ATRX: variants seen among roughly 807,000 people sequenced by gnomAD.
ATRX encodes chromatin remodeler ATRX.
Under a neutral mutation model 172.6 loss-of-function variants are expected in ATRX, and 12 were observed. The ratio of observed to expected loss-of-function variants is 0.07; its 90% CI spans 0.04 to 0.11. ATRX has a LOEUF of 0.11. ATRX is among the 10% of genes least tolerant of loss of function. ATRX has a pLI of 1.00. For missense variants in ATRX, 1,368 were observed against 1,767.4 expected, an observed-to-expected ratio of 0.77 and a Z score of 4.05; for synonymous variants, 674 against 594.7, an observed-to-expected ratio of 1.13 and a Z score of -1.94.
intron 1 of ATRX, among the ~76,000 whole-genome samples, chrX:77,740,276 A>G (rs1434599917): frequency 3.6e-5 from 4 of 109,893 alleles, no homozygotes; most frequent in Non-Finnish European, 7.6e-5. Flanking sequence ...AGAATATCAC[A>G]GCTTTCCTAG....
intron 12 of ATRX, among the ~76,000 whole-genome samples, chrX:77,658,311 T>C (rs1250312055): frequency 8.9e-6 from 1 of 112,484 alleles, no homozygotes; most frequent in Non-Finnish European, 1.9e-5. Flanking sequence ...TAATCTCAAT[T>C]CGATCATGAG....
At position 77,558,859 on chromosome X, in the gene ATRX, A is replaced by G. The variant is rs909574642; in HGVS notation, c.6327-13T>C. On this transcript the variant is annotated splice_polypyrimidine_tract_variant and intron_variant, in intron 28 of 34. Coordinates refer to ENST00000373344, the MANE Select transcript of ATRX (RefSeq NM_000489.6). ...AAATAATCGTCCTCTGAAAATGAAA[A>G]TATAGAATAAATGCTTCAGTAATTA... 3 of 1,145,793 alleles carry G rather than the reference A, an allele frequency of 2.6e-6. No individual in the cohort carries two copies. The African/African-American group carries it at 5.4e-5, about 20-fold the overall frequency. 94.4% of individuals were successfully genotyped at this position (1,145,793 alleles called of 1,213,427 possible). A position where few individuals can be genotyped will look rare whatever the true frequency, so the allele number is the denominator to read the frequency against.
chrX:77,642,166 GC>G (rs2068689088), intron 15 of ATRX, among the ~76,000 whole-genome samples: 1 of 111,788 alleles, frequency 8.9e-6, no homozygotes, highest in African/African-American at 3.3e-5. Flanking sequence ...CTGCACTCTA[GC>G]ATGGGCAACA....
Position 77,526,614 on chromosome X carries a change from C to T in ATRX, c.6700-3213G>A, listed in dbSNP as rs1338117006. Among the ~76,000 whole-genome samples, 4 of 112,172 alleles carry T rather than the reference C, an allele frequency of 3.6e-5. 1 individual carries two copies. Among genetic ancestry groups the T allele is most frequent in the Admixed American group, 2.8e-4 (3 of 10,625 alleles). On this transcript the variant is annotated intron_variant, in intron 30 of 34. Transcript: ENST00000373344. ...CACTGAACCTAAAAGTACTTTTGTA[C>T]TTTTTGAACTTTTTAAAACAAGCAT...
intron 1 of ATRX, among the ~76,000 whole-genome samples, chrX:77,776,275 T>C (rs2076346977): frequency 8.9e-6 from 1 of 112,176 alleles, no homozygotes; most frequent in Admixed American, 9.5e-5. Flanking sequence ...ATGCACTACT[T>C]ATTACAGTTC....
chrX:77,586,536 A>C (rs2066030207), intron 27 of ATRX, among the ~76,000 whole-genome samples: 1 of 112,154 alleles, frequency 8.9e-6, no homozygotes, highest in African/African-American at 3.2e-5. Context: ...ACAAGATATC[A>C]TTATTCATCT....
intron 30 of ATRX, among the ~76,000 whole-genome samples, chrX:77,532,157 A>G (rs781924674): frequency 1.8e-5 from 2 of 111,549 alleles, no homozygotes; most frequent in South Asian, 7.6e-4. Flanking sequence ...ATAGAGAAAC[A>G]TTCCATGCTC....
chrX:77,505,663 C>T lies in ATRX; in HGVS notation c.*2688G>A. 1 of 173,595 alleles carries T rather than the reference C, an allele frequency of 5.8e-6. No individual in the cohort carries two copies. The highest frequency in any genetic ancestry group is 2.9e-5 in the African/African-American group (1 of 34,335). 14.3% of individuals were successfully genotyped at this position (173,595 alleles called of 1,213,427 possible). On this transcript the variant is annotated 3_prime_UTR_variant, in exon 35 of 35. Coordinates refer to ENST00000373344, the MANE Select transcript of ATRX (RefSeq NM_000489.6). ...CAAAAGCTATACATTTTCTATGAAACAGTATGTGCACAGATTTTCAAAGCT... is the reference window on the plus strand; with the variant it reads ...CAAAAGCTATACATTTTCTATGAAATAGTATGTGCACAGATTTTCAAAGCT...
chrX:77,676,030 T>C, intron 10 of ATRX, 196 bp downstream of exon 10: 1 of 359,680 alleles, frequency 2.8e-6, no homozygotes, highest in Non-Finnish European at 5.0e-6. Flanking sequence ...ATAATGATAT[T>C]ACTTTCTCTT....
intron 15 of ATRX, among the ~76,000 whole-genome samples, chrX:77,638,061 C>A (rs2068481891): frequency 9.3e-6 from 1 of 107,670 alleles, no homozygotes; most frequent in African/African-American, 3.4e-5. Flanking sequence ...ACAATTAAAA[C>A]TAGTTAACAA....
rs1408669796 is a variant in ATRX at position 77,505,345 on chromosome X, T to C, written c.*3006A>G. 2.9e-5 allele frequency: 5 copies of C among 172,497 alleles called. No individual in the cohort carries two copies. Among genetic ancestry groups the C allele is most frequent in the African/African-American group, 1.5e-4 (5 of 33,692 alleles). The allele number at this position is 172,497 out of a possible 1,213,427, so 14.2% of individuals were successfully genotyped here. A position where few individuals can be genotyped will look rare whatever the true frequency, so the allele number is the denominator to read the frequency against. ...ATATTCAGCTCATTTGGAGGCCAGG[T>C]AATAAGGAAGCTTCTGAATGGTAAG... On this transcript the variant is annotated 3_prime_UTR_variant, in exon 35 of 35. Transcript: ENST00000373344.
intron 2 of ATRX, among the ~76,000 whole-genome samples, chrX:77,715,221 C>T (rs782059900): frequency 8.9e-6 from 1 of 111,913 alleles, no homozygotes; most frequent in Non-Finnish European, 1.9e-5. Flanking sequence ...ACATATACAT[C>T]GGTGGTCCCA....
intron 1 of ATRX, among the ~76,000 whole-genome samples, chrX:77,785,116 TG>T (rs2076688014): frequency 9.0e-6 from 1 of 111,603 alleles, no homozygotes; most frequent in African/African-American, 3.3e-5. Flanking sequence ...CGTGCTTGAT[TG>T]GTTAAGAGGA....
intron 28 of ATRX, among the ~76,000 whole-genome samples, chrX:77,563,702 CGTGT>C (rs201190876): frequency 0.41 from 38,637 of 95,120 alleles, 6,469 homozygotes; most frequent in East Asian, 0.57. Flanking sequence ...TGTGTACATG[CGTGT>C]GTGTGTGTGT....
chrX:77,685,531 G>A (rs1209417126), intron 7 of ATRX, among the ~76,000 whole-genome samples: 2 of 111,863 alleles, frequency 1.8e-5, no homozygotes, highest in Admixed American at 1.9e-4. Flanking sequence ...CCAAAAGACA[G>A]GCAATAACAA....
intron 22 of ATRX, among the ~76,000 whole-genome samples, chrX:77,604,567 T>A (rs2066825579): frequency 8.9e-6 from 1 of 111,986 alleles, no homozygotes; most frequent in Admixed American, 9.5e-5. Flanking sequence ...ACAAACTCCA[T>A]GAAAAACAGT....
intron 1 of ATRX, among the ~76,000 whole-genome samples, chrX:77,719,414 T>C (rs937278359): frequency 1.3e-4 from 14 of 110,868 alleles, no homozygotes; most frequent in African/African-American, 4.3e-4. Flanking sequence ...CAATTTATAC[T>C]AAGTAGGATG....
intron 23 of ATRX, 74 bp from the exon 24 acceptor site, chrX:77,599,894 T>A: frequency 1.2e-6 from 1 of 863,301 alleles, no homozygotes; most frequent in Non-Finnish European, 1.7e-6. Flanking sequence ...GATGTTCATT[T>A]AAGAATAAGT....
intron 14 of ATRX, among the ~76,000 whole-genome samples, chrX:77,653,371 G>C (rs1336106788): frequency 8.9e-6 from 1 of 112,074 alleles, no homozygotes; most frequent in Non-Finnish European, 1.9e-5. Flanking sequence ...ACCTTAAAAA[G>C]GGAATGAAAT....
Sources: gnomAD v4.1 joint callset for allele counts (sites outside exome capture counted in the v4.1 genomes callset) on GRCh38, gnomAD v4.1.1 for gene constraint, MANE v1.5 for transcripts, NCBI Gene and HGNC (gene_info 2026-07-23, HGNC 2026-07-21) for gene names.